SPATA13: variants seen among roughly 807,000 people sequenced by gnomAD.
The protein encoded by SPATA13 is spermatogenesis-associated protein 13.
A neutral mutation model predicts 104.0 loss-of-function variants in SPATA13; 50 were observed. The observed-to-expected ratio is 0.48, with a 90% CI of 0.38 to 0.61. The LOEUF is 0.61. SPATA13 is among the 20% of genes least tolerant of loss of function. SPATA13 has a pLI of 0.00. For missense variants in SPATA13, 1,524 were observed against 1,690.6 expected (o/e 0.90, Z 1.73); for synonymous variants, 606 against 667.5 (o/e 0.91, Z 1.42).
chr13:24,215,068 C>T (rs976461146), intron 1 of SPATA13, among the ~76,000 whole-genome samples: 2 of 152,168 alleles, frequency 1.3e-5, no homozygotes, highest in African/African-American at 2.4e-5. Context: ...CCTGAGGACG[C>T]GCTGGCAATG....
intron 3 of SPATA13, among the ~76,000 whole-genome samples, chr13:24,029,032 T>C (rs1176484283): frequency 1.3e-5 from 2 of 152,194 alleles, no homozygotes; most frequent in Non-Finnish European, 2.9e-5. Context: ...TATGTGGTTT[T>C]TTTGTTGTTA....
rs1048330737 is a variant in SPATA13 at position 24,046,084 on chromosome 13, AT to A, written c.-112+28392del. On this transcript the variant is annotated intron_variant, in intron 3 of 14. Coordinates refer to the SPATA13 transcript ENST00000424834. ...AATGCTGTGCAGAACCATGCGTTAG[AT>A]TTTTTTTTAAGTCTTGCTGGAGTGT... 5.3e-5 allele frequency among the ~76,000 whole-genome samples: 8 copies of A among 151,890 alleles called. No individual in the cohort carries two copies. The East Asian group carries it at 9.6e-4, about 18-fold the overall frequency.
At chr13:23,984,229 C>T (rs1448564516) in intron 2 of SPATA13, among the ~76,000 whole-genome samples, 1 of 152,228 alleles carries the variant, frequency 6.6e-6, no homozygotes, top group Non-Finnish European at 1.5e-5. Flanking sequence ...GAAATCAATA[C>T]TGTGTTTCAA....
intron 1 of SPATA13, among the ~76,000 whole-genome samples, chr13:23,980,376 C>T (rs1874828044): frequency 6.6e-6 from 1 of 152,184 alleles, no homozygotes; most frequent in East Asian, 1.9e-4. Flanking sequence ...GCCGAAATCT[C>T]CCGGTGCTCA....
chr13:24,094,316 G>A (rs1880002742), intron 3 of SPATA13, among the ~76,000 whole-genome samples: 1 of 152,212 alleles, frequency 6.6e-6, no homozygotes, highest in Non-Finnish European at 1.5e-5. Context: ...TTTGACTGCA[G>A]CTTTCCACGG....
At position 24,084,169 on chromosome 13, in the gene SPATA13, A is replaced by G. The variant is rs141618936; in HGVS notation, c.-112+66468A>G. 2.8e-3 allele frequency among the ~76,000 whole-genome samples: 421 copies of G among 152,340 alleles called. 1 individual carries two copies. Among genetic ancestry groups the G allele is most frequent in the Non-Finnish European group, 4.4e-3 (301 of 68,032 alleles). On this transcript the variant is annotated intron_variant, in intron 3 of 14. Transcript: ENST00000424834. ...CCTAATTATCTTCCGTAACTTAGCAACAAGCGAGACGAGAGAAGAAAGCAG... is the reference window on the plus strand; with the variant it reads ...CCTAATTATCTTCCGTAACTTAGCAGCAAGCGAGACGAGAGAAGAAAGCAG...
chr13:24,054,778 A>G (rs1229769077), intron 3 of SPATA13, among the ~76,000 whole-genome samples: 3 of 152,226 alleles, frequency 2.0e-5, no homozygotes, highest in Non-Finnish European at 4.4e-5. Flanking sequence ...TTTCACTTGT[A>G]TATAAAATGG....
At chr13:24,125,411 G>A (rs1881176556) in intron 3 of SPATA13, among the ~76,000 whole-genome samples, 2 of 152,114 alleles carry the variant, frequency 1.3e-5, no homozygotes, top group South Asian at 4.2e-4. Flanking sequence ...CAAAGCAAAG[G>A]CAGGAACCAG....
chr13:24,268,160 T>C (rs1422349761), intron 4 of SPATA13, among the ~76,000 whole-genome samples: 2 of 152,244 alleles, frequency 1.3e-5, no homozygotes, highest in African/African-American at 2.4e-5. Context: ...ATGGCACAGC[T>C]GTCAGTGGGA....
chr13:24,124,005 G>A (rs573118844), intron 3 of SPATA13, among the ~76,000 whole-genome samples: 6 of 152,124 alleles, frequency 3.9e-5, no homozygotes, highest in African/African-American at 1.2e-4. Context: ...TGCTGGTGCC[G>A]TCCAGCTTGG....
intron 3 of SPATA13, among the ~76,000 whole-genome samples, chr13:24,132,122 TC>T (rs1236382998): frequency 2.0e-5 from 3 of 152,178 alleles, no homozygotes; most frequent in African/African-American, 4.8e-5. Context: ...TTCTCCCTTC[TC>T]CCTGGGCACA....
intron 3 of SPATA13, chr13:24,122,439 A>G (rs1593343923): frequency 1.1e-5 from 17 of 1,599,160 alleles, no homozygotes; most frequent in Non-Finnish European, 1.4e-5. Context: ...ACCAGTCTTC[A>G]TCGTCTCCAT....
chr13:24,219,760 G>A (rs986803601), intron 1 of SPATA13, among the ~76,000 whole-genome samples: 6 of 152,304 alleles, frequency 3.9e-5, no homozygotes, highest in Admixed American at 2.0e-4. Context: ...CCTGCAGTTC[G>A]TCTCAAAGAA....
chr13:24,263,466 G>A (rs1479507408), intron 4 of SPATA13, among the ~76,000 whole-genome samples: 1 of 152,196 alleles, frequency 6.6e-6, no homozygotes, highest in Admixed American at 6.5e-5. Context: ...CTGGTTGTCT[G>A]AGGGGGATTG....
chr13:24,083,645 CA>C (rs1879618753), intron 3 of SPATA13, among the ~76,000 whole-genome samples: 1 of 152,176 alleles, frequency 6.6e-6, no homozygotes, highest in Non-Finnish European at 1.5e-5. Flanking sequence ...TAACATTAAT[CA>C]GAGTGGATTA....
intron 1 of SPATA13, among the ~76,000 whole-genome samples, chr13:24,208,751 G>A (rs1054672715): frequency 4.6e-5 from 7 of 152,170 alleles, no homozygotes; most frequent in Non-Finnish European, 7.3e-5. Context: ...TCAGCTGGCT[G>A]GAAAGGGATA....
chr13:24,141,262 C>G (rs1014335985), intron 3 of SPATA13, among the ~76,000 whole-genome samples: 1 of 152,018 alleles, frequency 6.6e-6, no homozygotes, highest in African/African-American at 2.4e-5. Context: ...GGGAGGATCA[C>G]TTGGGACCAG....
upstream of SPATA13, among the ~76,000 whole-genome samples, chr13:24,156,662 C>T (rs1882264190): frequency 6.6e-6 from 1 of 152,212 alleles, no homozygotes; most frequent in African/African-American, 2.4e-5. Flanking sequence ...AGCAAACGCA[C>T]CTTATCCATT....
intron 3 of SPATA13, among the ~76,000 whole-genome samples, chr13:24,041,261 T>A (rs1428213692): frequency 2.6e-5 from 4 of 152,210 alleles, no homozygotes; most frequent in Admixed American, 6.5e-5. Context: ...GCAATTTAAT[T>A]GTTATATAAG....
Sources: gnomAD v4.1 joint callset for allele counts (sites outside exome capture counted in the v4.1 genomes callset) on GRCh38, gnomAD v4.1.1 for gene constraint, MANE v1.5 for transcripts, NCBI Gene and HGNC (gene_info 2026-07-23, HGNC 2026-07-21) for gene names.